The following SEPTIN10 variants were observed in gnomAD, a reference collection of about 807,000 sequenced individuals.
The protein encoded by SEPTIN10 is septin-10.
Under a neutral mutation model 54.8 loss-of-function variants are expected in SEPTIN10, and 66 were observed. The ratio of observed to expected loss-of-function variants is 1.21; its 90% CI spans 0.99 to 1.48. The LOEUF is 1.48. Ranked by LOEUF, SEPTIN10 falls within the 40% of genes most tolerant of loss-of-function variation. SEPTIN10 has a pLI of 0.00. For synonymous variants in SEPTIN10, 161 were observed against 181.0 expected, an observed-to-expected ratio of 0.89 and a Z score of 0.89; for missense variants, 620 against 545.6, an observed-to-expected ratio of 1.14 and a Z score of -1.36.
At chr2:109,581,053 C>T (rs1037433288) in intron 4 of SEPTIN10, among the ~76,000 whole-genome samples, 1 of 152,240 alleles carries the variant, frequency 6.6e-6, no homozygotes, top group Non-Finnish European at 1.5e-5. Flanking sequence ...AGCAAAATAC[C>T]CATGACTACG....
intron 1 of SEPTIN10, among the ~76,000 whole-genome samples, chr2:109,597,753 C>G (rs1695620935): frequency 6.6e-6 from 1 of 152,150 alleles, no homozygotes. Flanking sequence ...ATCTATGAAT[C>G]CTAGAAAGAA....
intron 9 of SEPTIN10, among the ~76,000 whole-genome samples, chr2:109,548,931 C>T (rs951578878): frequency 6.6e-6 from 1 of 152,074 alleles, no homozygotes; most frequent in African/African-American, 2.4e-5. Flanking sequence ...AGCCAGTGAC[C>T]ACCTGATAGG....
At chr2:109,579,586 C>G (rs1690600861) in intron 4 of SEPTIN10, among the ~76,000 whole-genome samples, 1 of 151,408 alleles carries the variant, frequency 6.6e-6, no homozygotes. Flanking sequence ...TTTCACCATG[C>G]TGGTCAGGCT....
At chr2:109,559,929 T>TTTTTTTC (rs1685248344) in intron 8 of SEPTIN10, among the ~76,000 whole-genome samples, 1 of 149,970 alleles carries the variant, frequency 6.7e-6, no homozygotes, top group Admixed American at 6.7e-5. Flanking sequence ...TTTTTTTTTT[T>TTTTTTTC]TTGTCTTTTA....
intron 2 of SEPTIN10, among the ~76,000 whole-genome samples, chr2:109,591,824 G>A (rs1395738425): frequency 6.6e-6 from 1 of 152,044 alleles, no homozygotes; most frequent in Non-Finnish European, 1.5e-5. Context: ...CTTGAACCTG[G>A]GAGGTGTAGG....
intron 1 of SEPTIN10, among the ~76,000 whole-genome samples, chr2:109,597,592 T>G (rs1695594731): frequency 1.3e-5 from 2 of 152,202 alleles, no homozygotes; most frequent in South Asian, 4.1e-4. Context: ...TCAATTTGCT[T>G]TTCCTGTAGC....
chr2:109,596,308 T>C (rs1329716685), intron 1 of SEPTIN10, among the ~76,000 whole-genome samples: 2 of 152,158 alleles, frequency 1.3e-5, no homozygotes, highest in African/African-American at 2.4e-5. Flanking sequence ...AAGTAAAATT[T>C]GCTTAGAAAA....
intron 7 of SEPTIN10, 79 bp from the exon 8 acceptor site, chr2:109,564,613 AAT>A: frequency 1.6e-6 from 2 of 1,229,016 alleles, no homozygotes; most frequent in Non-Finnish European, 2.2e-6. Context: ...TGAATGAACA[AAT>A]AAATGAAAAC....
intron 1 of SEPTIN10, among the ~76,000 whole-genome samples, chr2:109,595,754 G>A (rs1558868950): frequency 6.6e-6 from 1 of 152,214 alleles, no homozygotes; most frequent in Admixed American, 6.5e-5. Context: ...GACAATACCT[G>A]AGTGGCAGAC....
chr2:109,567,252 G>C (rs1033872009), intron 6 of SEPTIN10, among the ~76,000 whole-genome samples: 4 of 152,122 alleles, frequency 2.6e-5, no homozygotes, highest in African/African-American at 9.7e-5. Context: ...GGCCAACCAA[G>C]CCTGTCAGAT....
chr2:109,612,984 C>T, intron 1 of SEPTIN10: 1 of 445,574 alleles, frequency 2.2e-6, no homozygotes, highest in Middle Eastern at 3.4e-4. Flanking sequence ...TGGTCTCCAG[C>T]CTCCAAAGAG....
chr2:109,548,339 T>C (rs762234946), intron 9 of SEPTIN10, among the ~76,000 whole-genome samples: 143 of 152,308 alleles, frequency 9.4e-4, no homozygotes, highest in South Asian at 1.7e-3. Context: ...AACATTTTAG[T>C]TCTGGGTAGA....
At chr2:109,564,903 T>C (rs1344860527) in intron 7 of SEPTIN10, among the ~76,000 whole-genome samples, 1 of 152,236 alleles carries the variant, frequency 6.6e-6, no homozygotes, top group Non-Finnish European at 1.5e-5. Context: ...GTTTAAAGAG[T>C]ATGTAATATT....
intron 1 of SEPTIN10, chr2:109,604,865 G>A (rs1697579521): frequency 6.6e-6 from 1 of 152,206 alleles, no homozygotes; most frequent in Non-Finnish European, 1.5e-5. Flanking sequence ...GAAAAGGTGA[G>A]GCTGCAAGAA....
intron 1 of SEPTIN10, among the ~76,000 whole-genome samples, chr2:109,604,193 A>C (rs2106227330): frequency 6.7e-6 from 1 of 149,912 alleles, no homozygotes; most frequent in Non-Finnish European, 1.5e-5. Flanking sequence ...TTAAAAAAAA[A>C]ATTAGCCAGG....
chr2:109,544,738 T>C (rs1390493086), intron 10 of SEPTIN10: 2 of 841,294 alleles, frequency 2.4e-6, no homozygotes, highest in Non-Finnish European at 2.9e-6. Context: ...TTTATCTTTC[T>C]AAATTCAATG....
In SEPTIN10 at chr2:109,567,891, A is replaced by C; in HGVS notation, c.686T>G (p.Leu229Trp). Residue 229 changes from leucine to tryptophan, a missense_variant, in exon 6 of 11, where the codon TTG becomes TGG. Leu to Trp is a moderately conservative substitution (Grantham distance 61). Coordinates refer to ENST00000397712, the MANE Select transcript of SEPTIN10 (RefSeq NM_144710.5). ...QKFKIKLMSE[L>W]VSNGVQIYQF... The stretch of plus-strand genomic sequence containing the variant: ...GTATATCTGGACGCCATTGCTGACC[A>C]ATTCACTCATGAGCTTGATCTTAAA... The C allele has an allele frequency of 6.2e-7, 1 of 1,614,016 alleles. No homozygotes were observed.
intron 5 of SEPTIN10, among the ~76,000 whole-genome samples, chr2:109,571,016 G>C (rs942062545): frequency 1.5e-4 from 23 of 152,160 alleles, no homozygotes; most frequent in Non-Finnish European, 2.5e-4. Flanking sequence ...CATGGGGACA[G>C]AGTTGTCCCT....
intron 8 of SEPTIN10, 47 bp downstream of exon 8, chr2:109,564,319 C>T: frequency 2.1e-6 from 3 of 1,440,630 alleles, no homozygotes; most frequent in Non-Finnish European, 2.8e-6. Flanking sequence ...AATATGCAAT[C>T]CTCTCTAACT....
Sources: allele counts gnomAD v4.1 joint callset (sites outside exome capture counted in the v4.1 genomes callset), GRCh38; gene constraint gnomAD v4.1.1; transcripts MANE v1.5; gene names NCBI Gene and HGNC (gene_info 2026-07-23, HGNC 2026-07-21).